Variants in RTF2 observed in about 807,000 individuals in gnomAD.
RTF2 encodes UPF0549 protein C20orf43.
Under a neutral mutation model 38.0 loss-of-function variants are expected in RTF2, and 18 were observed. That is an observed-to-expected ratio of 0.47 (90% CI 0.33 to 0.70). The LOEUF is 0.70. Among genes scored for constraint, RTF2 ranks in the 30% least tolerant of loss-of-function variants. The pLI is 0.02. For missense variants in RTF2, 311 were observed against 379.6 expected (o/e 0.82, Z 1.50); for synonymous variants, 126 against 137.1 (o/e 0.92, Z 0.57).
rs1333282571 is a variant in RTF2 at position 56,484,291 on chromosome 20, A to G, written c.477+102A>G. ...TTTGTTCTTTCTGAAATCAGCTCTCATAAGTTGCTTTTCTGCTTCCATGGC... is the reference window on the plus strand; with the variant it reads ...TTTGTTCTTTCTGAAATCAGCTCTCGTAAGTTGCTTTTCTGCTTCCATGGC... On this transcript the variant is annotated intron_variant, in intron 5 of 8. Transcript: ENST00000357348. 8.8e-6 allele frequency: 9 copies of G among 1,027,486 alleles called. No homozygotes were observed. The Admixed American group carries it at 1.3e-4, about 15-fold the overall frequency. 63.6% of individuals were successfully genotyped at this position (1,027,486 alleles called of 1,614,324 possible).
intron 6 of RTF2, chr20:56,515,844 A>G (rs1463388210): frequency 1.2e-4 from 18 of 152,240 alleles, no homozygotes; most frequent in Non-Finnish European, 1.5e-5. Context: ...AATATTCTCC[A>G]GAGCTTCTGG....
intron 4 of RTF2, among the ~76,000 whole-genome samples, chr20:56,477,724 C>A (rs964873650): frequency 6.6e-5 from 10 of 152,050 alleles, no homozygotes; most frequent in Admixed American, 4.6e-4. Context: ...CCCTATGTTG[C>A]CCAGGCTGGA....
chr20:56,472,265 T>G, intron 1 of RTF2: 1 of 946,700 alleles, frequency 1.1e-6, no homozygotes, highest in South Asian at 1.5e-5. Context: ...TGTTTTTGTC[T>G]TCTTTTTTTC....
chr20:56,491,750 G>A, intron 5 of RTF2: 1 of 1,551,986 alleles, frequency 6.4e-7, no homozygotes, highest in African/African-American at 1.4e-5. Flanking sequence ...CAGGTCTCCT[G>A]GTCCGTATAC....
chr20:56,500,499 T>TA (rs1167349420), intron 5 of RTF2, among the ~76,000 whole-genome samples: 3 of 152,342 alleles, frequency 2.0e-5, no homozygotes, highest in South Asian at 2.1e-4. Context: ...CAGTAGTTTA[T>TA]AATAATTAAA....
intron 8 of RTF2, 41 bp downstream of exon 8, chr20:56,517,242 C>T: frequency 1.3e-6 from 2 of 1,555,124 alleles, no homozygotes; most frequent in South Asian, 1.1e-5. Flanking sequence ...TTCGAGAAGG[C>T]TGGAAACCCA....
intron 5 of RTF2, among the ~76,000 whole-genome samples, chr20:56,499,460 C>T (rs569692027): frequency 2.6e-5 from 4 of 151,936 alleles, no homozygotes; most frequent in East Asian, 1.9e-4. Flanking sequence ...GGATTACAGG[C>T]GTGAGCCACC....
At chr20:56,503,811 A>G (rs905326111) in intron 5 of RTF2, among the ~76,000 whole-genome samples, 4 of 152,126 alleles carry the variant, frequency 2.6e-5, no homozygotes, top group Non-Finnish European at 4.4e-5. Flanking sequence ...TCTACCAACA[A>G]TAAAAAATTA....
chr20:56,505,317 C>A (rs1287957209), intron 5 of RTF2, among the ~76,000 whole-genome samples: 1 of 151,796 alleles, frequency 6.6e-6, no homozygotes, highest in East Asian at 1.9e-4. Context: ...AAGACCCCGT[C>A]TCTACAAAAA....
At chr20:56,483,409 G>A (rs1437226119) in intron 4 of RTF2, among the ~76,000 whole-genome samples, 2 of 151,566 alleles carry the variant, frequency 1.3e-5, no homozygotes, top group African/African-American at 4.9e-5. Context: ...GTGCAGTGGC[G>A]CTATCATAGC....
At chr20:56,517,824 G>A (rs757017427) in intron 8 of RTF2, among the ~76,000 whole-genome samples, 5 of 152,150 alleles carry the variant, frequency 3.3e-5, no homozygotes, top group Admixed American at 1.3e-4. Context: ...CCCCTGGAAC[G>A]CAGGCCCTGC....
intron 5 of RTF2, among the ~76,000 whole-genome samples, chr20:56,509,623 A>AG (rs1002261947): frequency 3.9e-5 from 6 of 151,902 alleles, no homozygotes; most frequent in African/African-American, 9.7e-5. Context: ...AAAAAAAAAA[A>AG]AAAAGAAAAA....
rs1032100513 is a variant in RTF2 at position 56,518,280 on chromosome 20, C to T, written c.*15C>T. On this transcript the variant is annotated 3_prime_UTR_variant, in exon 9 of 9. Transcript: ENST00000357348. ...ACTGCTTCTGAAGCCCGCACTGCCA[C>T]CGCTCCTGCCCCAGAAGGTTGTTTA... The T allele has an allele frequency of 4.4e-6, 7 of 1,602,780 alleles. No individual in the cohort carries two copies. The highest frequency in any genetic ancestry group is 1.3e-5 in the African/African-American group (1 of 74,336).
At chr20:56,485,087 G>C (rs1227953385) in intron 5 of RTF2, among the ~76,000 whole-genome samples, 1 of 152,140 alleles carries the variant, frequency 6.6e-6, no homozygotes, top group Non-Finnish European at 1.5e-5. Flanking sequence ...ATTGGAGAGA[G>C]AGACCCTCAA....
chr20:56,503,176 T>G (rs1418261416), intron 5 of RTF2, among the ~76,000 whole-genome samples: 1 of 152,248 alleles, frequency 6.6e-6, no homozygotes, highest in East Asian at 1.9e-4. Flanking sequence ...GAGCTCAGAA[T>G]GCTGTCCAAA....
chr20:56,514,326 G>T (rs574675962), intron 6 of RTF2: 1 of 151,752 alleles, frequency 6.6e-6, no homozygotes, highest in Non-Finnish European at 1.5e-5. Flanking sequence ...CAGGCCTTTC[G>T]TGAGTGGCAA....
intron 5 of RTF2, among the ~76,000 whole-genome samples, chr20:56,506,940 T>A (rs1294231850): frequency 6.6e-6 from 1 of 152,154 alleles, no homozygotes; most frequent in Non-Finnish European, 1.5e-5. Flanking sequence ...GACCTCGTGA[T>A]CCGCCCGCCT....
At chr20:56,506,983 AG>A (rs1325799704) in intron 5 of RTF2, among the ~76,000 whole-genome samples, 2 of 152,152 alleles carry the variant, frequency 1.3e-5, no homozygotes, top group African/African-American at 4.8e-5. Context: ...TACAGGCGTG[AG>A]CCACCGCGCC....
chr20:56,518,108 G>A lies in RTF2; in HGVS notation c.764G>A (p.Gly255Glu), dbSNP rs1600841530. 3 of 1,611,430 alleles carry A rather than the reference G, an allele frequency of 1.9e-6. No individual in the cohort carries two copies. Among genetic ancestry groups the A allele is most frequent in the South Asian group, 2.2e-5 (2 of 90,704 alleles). Residue 255 changes from glycine (G) to glutamate (E), a missense_variant, in exon 9 of 9, where the codon GGA becomes GAA. By Grantham distance (98) the Gly-to-Glu change is moderately conservative (BLOSUM62 -2). Coordinates refer to ENST00000357348, the MANE Select transcript of RTF2 (RefSeq NM_016407.5). Reference protein sequence around the residue: ...KSTAMNESSSGKAGKPPCGAT... With the variant: ...KSTAMNESSSEKAGKPPCGAT... ...CTAGCAATGAATGAGAGCTCTTCTG[G>A]AAAAGCTGGGAAGCCTCCGTGTGGA...
Sources: gnomAD v4.1 joint callset for allele counts (sites outside exome capture counted in the v4.1 genomes callset) on GRCh38, gnomAD v4.1.1 for gene constraint, MANE v1.5 for transcripts, NCBI Gene and HGNC (gene_info 2026-07-23, HGNC 2026-07-21) for gene names.